The following SLC30A8 variants were observed in gnomAD, a reference collection of about 807,000 sequenced individuals.
The protein encoded by SLC30A8 is proton-coupled zinc antiporter SLC30A8.
A neutral mutation model predicts 36.9 loss-of-function variants in SLC30A8; 27 were observed. The observed-to-expected ratio is 0.73, with a 90% CI of 0.54 to 1.01. The LOEUF (loss-of-function observed/expected upper bound fraction) is 1.01, where lower values mean the gene tolerates loss of function less well. SLC30A8 is among the 50% of genes least tolerant of loss of function. The probability of loss-of-function intolerance (pLI) is 0.00; values close to 1 mark genes in which losing one functional copy is unlikely to be tolerated. For missense variants in SLC30A8, 439 were observed against 452.0 expected (o/e 0.97, Z 0.26); for synonymous variants, 164 against 172.4 (o/e 0.95, Z 0.38).
chr8:116,957,464 T>A (rs141209645), intron 1 of SLC30A8, among the ~76,000 whole-genome samples: 2,208 of 152,126 alleles, frequency 0.015, 61 homozygotes, highest in African/African-American at 0.05. Flanking sequence ...AGAGACAGGA[T>A]TTCACCATGT....
At position 117,171,171 on chromosome 8, in the gene SLC30A8, C is replaced by CAGTG. The variant is rs775743464; in HGVS notation, c.964+7_964+10dup. ...TCTCTCAGCTCATGTTGCTACAGGT[C>CAGTG]AGTGAGTTTTGTAAACACCCTGGAA... On this transcript the variant is annotated splice_donor_region_variant and intron_variant, in intron 7 of 7. Coordinates refer to ENST00000456015, the MANE Select transcript of SLC30A8 (RefSeq NM_173851.3). 138 of 1,613,372 alleles carry CAGTG rather than the reference C, an allele frequency of 8.6e-5. 1 individual carries two copies. The highest frequency in any genetic ancestry group is 1.2e-4 in the Non-Finnish European group (136 of 1,179,522).
At chr8:117,055,008 G>C (rs933950378) in intron 2 of SLC30A8, among the ~76,000 whole-genome samples, 1 of 152,196 alleles carries the variant, frequency 6.6e-6, no homozygotes, top group Non-Finnish European at 1.5e-5. Context: ...CTCAGTAGCT[G>C]TGAGGCTTCA....
chr8:117,101,609 G>A (rs577133069), intron 2 of SLC30A8, among the ~76,000 whole-genome samples: 7 of 152,324 alleles, frequency 4.6e-5, no homozygotes, highest in Non-Finnish European at 1.0e-4. Context: ...GTGTGTCTGT[G>A]AGTGTGTTGC....
intron 2 of SLC30A8, among the ~76,000 whole-genome samples, chr8:117,071,857 C>A (rs1421098294): frequency 6.6e-6 from 1 of 151,972 alleles, no homozygotes; most frequent in Non-Finnish European, 1.5e-5. Context: ...TAGTTTTTCT[C>A]TGTTTGTTCA....
chr8:117,023,745 A>T (rs556350759), intron 1 of SLC30A8, among the ~76,000 whole-genome samples: 1 of 151,106 alleles, frequency 6.6e-6, no homozygotes, highest in South Asian at 2.1e-4. Flanking sequence ...GGGGAGGGAT[A>T]GCATTTGGAG....
rs1227900287 is a variant in SLC30A8, at chr8:116,970,115, A to G, written c.-266+18996A>G. 2.0e-5 allele frequency among the ~76,000 whole-genome samples: 3 copies of G among 152,058 alleles called. No homozygotes were observed. In the East Asian group the frequency reaches 5.8e-4, roughly 29 times the overall value. On this transcript the variant is annotated intron_variant, in intron 1 of 10. Transcript: ENST00000427715. ...AATATTTTCTTTATATTCTTATTCT[A>G]TAATTTTTTTTCTATCTTTAAATTT...
intron 1 of SLC30A8, among the ~76,000 whole-genome samples, chr8:116,960,899 A>T (rs1407413331): frequency 1.3e-5 from 2 of 152,090 alleles, no homozygotes; most frequent in African/African-American, 4.8e-5. Context: ...TTTGCATGCT[A>T]TTGTGACTTG....
intron 1 of SLC30A8, among the ~76,000 whole-genome samples, chr8:116,988,394 C>G (rs565988912): frequency 2.6e-5 from 4 of 152,214 alleles, no homozygotes; most frequent in Admixed American, 6.5e-5. Context: ...TCCAGTCCCC[C>G]TTGCATGGAC....
intron 2 of SLC30A8, among the ~76,000 whole-genome samples, chr8:117,150,497 T>C (rs1255360434): frequency 1.3e-5 from 2 of 152,238 alleles, no homozygotes; most frequent in Admixed American, 1.3e-4. Flanking sequence ...TATCTTGTTA[T>C]AAGTGTACTG....
intron 1 of SLC30A8, among the ~76,000 whole-genome samples, chr8:117,018,576 A>G (rs1816597142): frequency 6.6e-6 from 1 of 151,906 alleles, no homozygotes; most frequent in South Asian, 2.1e-4. Flanking sequence ...TTGGATAGCT[A>G]CACTGTGTTG....
intron 2 of SLC30A8, among the ~76,000 whole-genome samples, chr8:117,060,179 ATTTATT>A (rs1817987472): frequency 6.6e-6 from 1 of 152,054 alleles, no homozygotes; most frequent in Non-Finnish European, 1.5e-5. Flanking sequence ...TATTTTTATT[ATTTATT>A]TTTATTTATA....
intron 2 of SLC30A8, among the ~76,000 whole-genome samples, chr8:117,088,571 G>T (rs751903384): frequency 1.3e-5 from 2 of 152,126 alleles, no homozygotes; most frequent in African/African-American, 2.4e-5. Context: ...AACTAGATTT[G>T]CCAGTTGCAG....
upstream of SLC30A8, among the ~76,000 whole-genome samples, chr8:117,134,476 G>A (rs112653888): frequency 2.3e-3 from 350 of 152,068 alleles, no homozygotes; most frequent in African/African-American, 8.2e-3. Flanking sequence ...TGATTCCTAG[G>A]AGTTGAGGAG....
intron 2 of SLC30A8, among the ~76,000 whole-genome samples, chr8:117,085,449 C>T (rs1395712268): frequency 6.6e-6 from 1 of 152,122 alleles, no homozygotes; most frequent in Admixed American, 6.6e-5. Flanking sequence ...AAATGGAATT[C>T]CAAGTTGTTT....
At chr8:117,164,662 G>T (rs1010854589) in intron 6 of SLC30A8, among the ~76,000 whole-genome samples, 1 of 152,164 alleles carries the variant, frequency 6.6e-6, no homozygotes, top group South Asian at 2.1e-4. Flanking sequence ...AAATTACACA[G>T]AAATGCAGTA....
Position 117,015,570 on chromosome 8 carries a change from G to A in SLC30A8, c.-265-23649G>A, listed in dbSNP as rs573619458. ...CCCCAAAAAAAAGAGGGCGAGGGAG[G>A]GCTTTGTGTCAAACCTGTTTGTGAA... On this transcript the variant is annotated intron_variant, in intron 1 of 10. Coordinates refer to the SLC30A8 transcript ENST00000427715. Among the ~76,000 whole-genome samples the A allele has an allele frequency of 1.7e-3, 253 of 152,160 alleles. 2 individuals carry two copies. The highest frequency in any genetic ancestry group is 5.7e-3 in the African/African-American group (235 of 41,506).
rs1823594039 is a variant in SLC30A8, at chr8:117,174,896, A to C, written c.*2215A>C. On this transcript the variant is annotated 3_prime_UTR_variant, in exon 8 of 8. Transcript: ENST00000456015. ...TATGGCAAAATGCAAGACAATCTAC[A>C]AGGGAGATTTTAAGGATTTTGAGAT... 6.6e-6 allele frequency: 1 copy of C among 152,174 alleles called. No homozygotes were observed. The highest frequency in any genetic ancestry group is 1.5e-5 in the Non-Finnish European group (1 of 67,982). 9.4% of individuals were successfully genotyped at this position (152,174 alleles called of 1,614,324 possible).
rs551929039 is a variant in SLC30A8 at position 117,111,458 on chromosome 8, A to G, written c.-225-23822A>G. Reference sequence around the variant, plus strand: ...CACCCTACCTTTCCTTTGGGTCACTATGTTTTCCAAATTATTGGTTGCTGT... The same window carrying G: ...CACCCTACCTTTCCTTTGGGTCACTGTGTTTTCCAAATTATTGGTTGCTGT... On this transcript the variant is annotated intron_variant, in intron 2 of 10. Coordinates refer to the SLC30A8 transcript ENST00000427715. 7.2e-5 allele frequency among the ~76,000 whole-genome samples: 11 copies of G among 152,090 alleles called. No homozygotes were observed. The South Asian group carries it at 1.7e-3, about 23-fold the overall frequency.
At chr8:117,166,857 C>T (rs1172825606) in intron 6 of SLC30A8, among the ~76,000 whole-genome samples, 1 of 140,042 alleles carries the variant, frequency 7.1e-6, no homozygotes, top group Non-Finnish European at 1.5e-5. Flanking sequence ...GCTCACACTT[C>T]GTTAGTGTTC....
Sources: gnomAD v4.1 joint callset for allele counts (sites outside exome capture counted in the v4.1 genomes callset) on GRCh38, gnomAD v4.1.1 for gene constraint, MANE v1.5 for transcripts, NCBI Gene and HGNC (gene_info 2026-07-23, HGNC 2026-07-21) for gene names.